The following RBMS3 variants were observed in gnomAD, a reference collection of about 807,000 sequenced individuals.
RBMS3 encodes the protein RNA binding motif single stranded interacting protein 3, also known as RNA-binding motif, single-stranded-interacting protein 3.
Under a neutral mutation model 66.8 loss-of-function variants are expected in RBMS3, and 27 were observed. The ratio of observed to expected loss-of-function variants is 0.40; its 90% confidence interval spans 0.30 to 0.56. The LOEUF (loss-of-function observed/expected upper bound fraction) is 0.56. Ranked by LOEUF, RBMS3 falls within the 20% of genes least tolerant of loss-of-function variation. The probability of loss-of-function intolerance (pLI) is 0.40; values close to 1 mark genes in which losing one functional copy is unlikely to be tolerated. For synonymous variants in RBMS3, 188 were observed against 183.0 expected (o/e 1.03, Z -0.22); for missense variants, 513 against 549.5 (o/e 0.93, Z 0.66).
intron 4 of RBMS3, among the ~76,000 whole-genome samples, chr3:29,591,292 C>A (rs534364152): frequency 1.1e-4 from 16 of 152,148 alleles, no homozygotes; most frequent in Non-Finnish European, 1.9e-4. Flanking sequence ...CTCCAACAGG[C>A]CCATGGCTCC....
At chr3:29,468,209 A>G (rs2042604243) in intron 2 of RBMS3, among the ~76,000 whole-genome samples, 1 of 152,164 alleles carries the variant, frequency 6.6e-6, no homozygotes, top group Middle Eastern at 3.2e-3. Context: ...CCGGCACTCT[A>G]CATGCTGAAA....
At chr3:29,845,599 CATTT>C (rs760629429) in intron 6 of RBMS3, among the ~76,000 whole-genome samples, 1 of 151,998 alleles carries the variant, frequency 6.6e-6, no homozygotes, top group African/African-American at 2.4e-5. Context: ...ATTAATCATT[CATTT>C]GATAGGTATT....
At chr3:29,520,980 T>C (rs1319976129) in intron 3 of RBMS3, among the ~76,000 whole-genome samples, 4 of 152,142 alleles carry the variant, frequency 2.6e-5, no homozygotes, top group African/African-American at 9.7e-5. Context: ...CCTAACTGTG[T>C]TCAGGTCTCC....
chr3:29,809,251 CTGTCCTTATT>C (rs2057652568), intron 6 of RBMS3, among the ~76,000 whole-genome samples: 1 of 150,934 alleles, frequency 6.6e-6, no homozygotes, highest in Admixed American at 6.6e-5. Context: ...TGTTATTTTG[CTGTCCTTATT>C]ATAATAAGGA....
intron 1 of RBMS3, among the ~76,000 whole-genome samples, chr3:29,404,022 G>C (rs767133453): frequency 6.6e-6 from 1 of 152,088 alleles, no homozygotes; most frequent in Non-Finnish European, 1.5e-5. Context: ...TGAATATTCT[G>C]TACAGACACC....
At chr3:29,521,131 C>T (rs2044842052) in intron 3 of RBMS3, among the ~76,000 whole-genome samples, 1 of 152,036 alleles carries the variant, frequency 6.6e-6, no homozygotes. Context: ...CCCACCCCAT[C>T]CTTGATTATA....
At chr3:29,489,317 T>C (rs999647341) in intron 3 of RBMS3, among the ~76,000 whole-genome samples, 1 of 152,154 alleles carries the variant, frequency 6.6e-6, no homozygotes, top group African/African-American at 2.4e-5. Context: ...CAGAAACTCC[T>C]GTATATGTAT....
intron 4 of RBMS3, among the ~76,000 whole-genome samples, chr3:29,738,677 G>T (rs2054486734): frequency 6.6e-6 from 1 of 152,174 alleles, no homozygotes; most frequent in Non-Finnish European, 1.5e-5. Context: ...TCACCTGGAG[G>T]GCTTGTCAAA....
At chr3:29,437,481 A>T (rs1328731542) in intron 2 of RBMS3, among the ~76,000 whole-genome samples, 2 of 152,264 alleles carry the variant, frequency 1.3e-5, no homozygotes, top group Non-Finnish European at 2.9e-5. Context: ...AAGTGAACAG[A>T]GGATAATAGT....
At chr3:29,795,537 G>A (rs890114996) in intron 6 of RBMS3, among the ~76,000 whole-genome samples, 8 of 152,110 alleles carry the variant, frequency 5.3e-5, no homozygotes, top group African/African-American at 1.9e-4. Flanking sequence ...ATGCAGTTTT[G>A]TTCATTGTTA....
At position 29,284,862 on chromosome 3, in the gene RBMS3, CTTTTTT is replaced by C. The variant is rs773078453; in HGVS notation, c.75+3122_75+3127del. ...TCAATTTTCTTTTTGATGAATTTTTCTTTTTTTTTTTTTTTTTTTTTACCAAAAGAA... is the reference window on the plus strand; with the variant it reads ...TCAATTTTCTTTTTGATGAATTTTTCTTTTTTTTTTTTTTTACCAAAAGAA... On this transcript the variant is annotated intron_variant, in intron 1 of 14. Transcript: ENST00000383767. 4.3e-4 allele frequency among the ~76,000 whole-genome samples: 48 copies of C among 112,776 alleles called. No individual in the cohort carries two copies. The East Asian group carries it at 6.0e-3, about 14-fold the overall frequency. The allele number at this position is 112,776 out of a possible 152,430, so 74.0% of individuals were successfully genotyped here.
At chr3:29,706,262 G>A (rs746965735) in intron 4 of RBMS3, among the ~76,000 whole-genome samples, 1 of 152,200 alleles carries the variant, frequency 6.6e-6, no homozygotes, top group Non-Finnish European at 1.5e-5. Flanking sequence ...TTTCTATAGA[G>A]TAATTCCAGT....
chr3:29,350,858 A>T (rs1402342909), intron 1 of RBMS3, among the ~76,000 whole-genome samples: 1 of 152,084 alleles, frequency 6.6e-6, no homozygotes, highest in Admixed American at 6.6e-5. Flanking sequence ...CAAAGTAAAA[A>T]CAAAAAACTA....
chr3:29,876,874 A>G (rs2149565990), intron 7 of RBMS3, among the ~76,000 whole-genome samples: 1 of 152,166 alleles, frequency 6.6e-6, no homozygotes, highest in African/African-American at 2.4e-5. Context: ...AAGGCACTTG[A>G]TCATGAGATT....
intron 10 of RBMS3, among the ~76,000 whole-genome samples, chr3:29,918,576 T>C (rs2060694522): frequency 6.6e-6 from 1 of 152,164 alleles, no homozygotes; most frequent in African/African-American, 2.4e-5. Context: ...TTATTTTTAA[T>C]GTTCATAATC....
intron 1 of RBMS3, among the ~76,000 whole-genome samples, chr3:29,308,076 G>T: frequency 6.6e-6 from 1 of 151,564 alleles, no homozygotes; most frequent in Non-Finnish European, 1.5e-5. Flanking sequence ...GTTGTTTTTT[G>T]TTTTAACTAG....
intron 1 of RBMS3, among the ~76,000 whole-genome samples, chr3:29,307,455 A>G (rs1006418220): frequency 6.6e-6 from 1 of 151,898 alleles, no homozygotes; most frequent in African/African-American, 2.4e-5. Flanking sequence ...CCAGCTATAC[A>G]TAGTGGTCTG....
intron 4 of RBMS3, among the ~76,000 whole-genome samples, chr3:29,686,317 GCTTA>G (rs2051732133): frequency 6.6e-6 from 1 of 152,046 alleles, no homozygotes; most frequent in African/African-American, 2.4e-5. Flanking sequence ...ATCTTTTTAG[GCTTA>G]CTGTGTCTCT....
At chr3:29,806,820 G>GA (rs1321235591) in intron 6 of RBMS3, among the ~76,000 whole-genome samples, 5 of 151,858 alleles carry the variant, frequency 3.3e-5, no homozygotes, top group Non-Finnish European at 7.4e-5. Flanking sequence ...GTTGAGTCTG[G>GA]AATGTTGATC....
Sources: gnomAD v4.1 joint callset for allele counts (sites outside exome capture counted in the v4.1 genomes callset) on GRCh38, gnomAD v4.1.1 for gene constraint, MANE v1.5 for transcripts, NCBI Gene and HGNC (gene_info 2026-07-23, HGNC 2026-07-21) for gene names.